The following MACROD2 variants were observed in gnomAD, a reference collection of about 807,000 sequenced individuals.
The protein encoded by MACROD2 is ADP-ribose glycohydrolase MACROD2.
A neutral mutation model predicts 70.4 loss-of-function variants in MACROD2; 36 were observed. The ratio of observed to expected loss-of-function variants is 0.51; its 90% confidence interval spans 0.39 to 0.68. The LOEUF is 0.68. Among genes scored for constraint, MACROD2 ranks in the 30% least tolerant of loss-of-function variants. The pLI is 0.00. For synonymous variants in MACROD2, 172 were observed against 178.8 expected, an observed-to-expected ratio of 0.96 and a Z score of 0.30; for missense variants, 496 against 538.4, an observed-to-expected ratio of 0.92 and a Z score of 0.78.
intron 2 of MACROD2, among the ~76,000 whole-genome samples, chr20:14,071,058 T>A (rs1431276010): frequency 6.6e-6 from 1 of 152,130 alleles, no homozygotes; most frequent in Non-Finnish European, 1.5e-5. Flanking sequence ...CTTAGCTGTT[T>A]ATCAGATGAT....
intron 4 of MACROD2, among the ~76,000 whole-genome samples, chr20:14,541,968 A>G (rs2085438854): frequency 1.3e-5 from 2 of 152,360 alleles, no homozygotes; most frequent in Middle Eastern, 3.4e-3. Context: ...TGGGAGACTT[A>G]TAGGCCCAAT....
At chr20:15,227,874 A>G (rs541474085) in intron 5 of MACROD2, among the ~76,000 whole-genome samples, 5 of 111,496 alleles carry the variant, frequency 4.5e-5, no homozygotes, top group Admixed American at 1.2e-4. Context: ...CTTTAAACCC[A>G]TATCATACCG....
chr20:15,966,412 T>A (rs535657079), intron 12 of MACROD2, among the ~76,000 whole-genome samples: 60 of 152,256 alleles, frequency 3.9e-4, no homozygotes, highest in African/African-American at 1.4e-3. Context: ...AGGGCAGAGA[T>A]TTGGTGTTTT....
At chr20:15,232,131 T>G (rs930611095) in intron 6 of MACROD2, among the ~76,000 whole-genome samples, 12 of 152,026 alleles carry the variant, frequency 7.9e-5, no homozygotes, top group African/African-American at 2.9e-4. Flanking sequence ...CTTCTTTATA[T>G]GGTGTGTCAT....
intron 5 of MACROD2, among the ~76,000 whole-genome samples, chr20:14,910,003 A>G (rs534959519): frequency 2.0e-5 from 3 of 152,306 alleles, no homozygotes; most frequent in South Asian, 4.1e-4. Context: ...TTGGAATTCT[A>G]GCCATATCTT....
intron 5 of MACROD2, among the ~76,000 whole-genome samples, chr20:14,812,569 T>TA (rs1184577885): frequency 6.6e-6 from 1 of 151,972 alleles, no homozygotes; most frequent in Non-Finnish European, 1.5e-5. Flanking sequence ...TAAAGTATAA[T>TA]AATAAATAAA....
chr20:14,132,129 C>CAAA lies in MACROD2; in HGVS notation c.271+46418_271+46420dup, dbSNP rs34790385. On this transcript the variant is annotated intron_variant, in intron 3 of 17. Transcript: ENST00000684519. ...CTGGGTGACAGAGCGAGACTCTATC[C>CAAA]AAAAAAAAAAAAAAAAAAAGATTCT... is the stretch of plus-strand genomic sequence containing the variant. Among the ~76,000 whole-genome samples the CAAA allele has an allele frequency of 6.0e-4, 58 of 96,568 alleles. 1 individual carries two copies. In the South Asian group the frequency reaches 7.6e-3, roughly 13 times the overall value. 63.4% of individuals were successfully genotyped at this position (96,568 alleles called of 152,430 possible). A position where few individuals can be genotyped will look rare whatever the true frequency, so the allele number is the denominator to read the frequency against.
intron 3 of MACROD2, among the ~76,000 whole-genome samples, chr20:14,473,285 C>A (rs1669301709): frequency 6.6e-6 from 1 of 152,156 alleles, no homozygotes; most frequent in Admixed American, 6.5e-5. Flanking sequence ...TGGCTGACCA[C>A]CCTCTCCACA....
intron 8 of MACROD2, among the ~76,000 whole-genome samples, chr20:15,574,856 G>A (rs557563684): frequency 6.6e-5 from 10 of 152,200 alleles, no homozygotes; most frequent in East Asian, 5.8e-4. Context: ...TTTGCTAGTC[G>A]CTTCATTTTC....
At chr20:14,132,861 G>A (rs575862837) in intron 3 of MACROD2, among the ~76,000 whole-genome samples, 5 of 152,176 alleles carry the variant, frequency 3.3e-5, no homozygotes, top group South Asian at 2.1e-4. Flanking sequence ...GGCTGGTCTC[G>A]AACTCCTGGT....
At chr20:14,008,084 C>G (rs907547588) in intron 2 of MACROD2, among the ~76,000 whole-genome samples, 3 of 152,162 alleles carry the variant, frequency 2.0e-5, no homozygotes. Context: ...GCCTCTCTCA[C>G]CACTCCTATT....
At chr20:14,947,710 T>A (rs1296760350) in intron 5 of MACROD2, among the ~76,000 whole-genome samples, 2 of 152,132 alleles carry the variant, frequency 1.3e-5, no homozygotes, top group Admixed American at 1.3e-4. Context: ...GGAATGCTAA[T>A]GCTGCTGGCC....
At chr20:15,389,547 T>C (rs907316695) in intron 6 of MACROD2, among the ~76,000 whole-genome samples, 4 of 152,238 alleles carry the variant, frequency 2.6e-5, no homozygotes, top group African/African-American at 4.8e-5. Context: ...CTGGGGGTTC[T>C]GTAGAAACCC....
intron 4 of MACROD2, among the ~76,000 whole-genome samples, chr20:14,521,460 A>G (rs1248644827): frequency 6.6e-6 from 1 of 152,202 alleles, no homozygotes; most frequent in Non-Finnish European, 1.5e-5. Flanking sequence ...AAATAAGATT[A>G]TCTTTATATC....
At chr20:14,850,023 T>C in intron 5 of MACROD2, 1 of 513,990 alleles carries the variant, frequency 1.9e-6, no homozygotes, top group Non-Finnish European at 3.9e-6. Context: ...TCTATTGTAT[T>C]CCTGCAGGTT....
intron 4 of MACROD2, among the ~76,000 whole-genome samples, chr20:14,502,907 T>C (rs1259466727): frequency 6.6e-6 from 1 of 152,202 alleles, no homozygotes; most frequent in East Asian, 1.9e-4. Context: ...ATAGTGGTCA[T>C]CATAAGGAAG....
rs1258853634 is a variant in MACROD2 at position 15,876,047 on chromosome 20, C to T, written c.728-9717C>T. ...ACTAAAATTTCTGCAAACTATATTC[C>T]ACTTTATGTATGAACCTGACTTTTA... On this transcript the variant is annotated intron_variant, in intron 9 of 17. Transcript: ENST00000684519. 2.7e-5 allele frequency among the ~76,000 whole-genome samples: 4 copies of T among 146,440 alleles called. No individual in the cohort carries two copies. In the South Asian group the frequency reaches 6.4e-4, roughly 24 times the overall value.
chr20:14,779,392 C>G (rs891340637), intron 5 of MACROD2, among the ~76,000 whole-genome samples: 1 of 152,076 alleles, frequency 6.6e-6, no homozygotes, highest in Non-Finnish European at 1.5e-5. Flanking sequence ...GATATATTCA[C>G]GAGCTAATCA....
At chr20:14,809,703 G>C (rs187359863) in intron 5 of MACROD2, among the ~76,000 whole-genome samples, 1 of 151,782 alleles carries the variant, frequency 6.6e-6, no homozygotes, top group African/African-American at 2.4e-5. Flanking sequence ...TAAAAAAGAA[G>C]AAAAGAGAGA....
Sources: gnomAD v4.1 joint callset for allele counts (sites outside exome capture counted in the v4.1 genomes callset) on GRCh38, gnomAD v4.1.1 for gene constraint, MANE v1.5 for transcripts, NCBI Gene and HGNC (gene_info 2026-07-23, HGNC 2026-07-21) for gene names.